Variants in STAP2 observed in about 807,000 individuals in gnomAD.
The protein encoded by STAP2 is signal transducing adaptor family member 2.
Under a neutral mutation model 52.7 loss-of-function variants are expected in STAP2, and 58 were observed. That is an observed-to-expected ratio of 1.10 (90% CI 0.89 to 1.37). The LOEUF (loss-of-function observed/expected upper bound fraction) is 1.37. Among genes scored for constraint, STAP2 ranks in the 40% most tolerant of loss-of-function variants. The pLI is 0.00. For synonymous variants in STAP2, 231 were observed against 210.5 expected (o/e 1.10, Z -0.84); for missense variants, 522 against 519.4 (o/e 1.00, Z -0.05).
intron 5 of STAP2, among the ~76,000 whole-genome samples, chr19:4,329,528 C>G (rs1971853554): frequency 6.6e-6 from 1 of 152,042 alleles, no homozygotes; most frequent in African/African-American, 2.4e-5. Flanking sequence ...AGACCTTACC[C>G]TGGAGGCCCT....
chr19:4,328,830 C>A, intron 5 of STAP2, 21 bp from the exon 6 acceptor site: 2 of 1,603,924 alleles, frequency 1.2e-6, no homozygotes, highest in South Asian at 2.2e-5. Flanking sequence ...CCGCGTCACC[C>A]ACTCGGGACC....
In STAP2 at chr19:4,333,801, T is replaced by A. The variant is rs1479887742; in HGVS notation, c.190A>T (p.Asn64Tyr). Reference sequence around the variant, plus strand: ...GTGAGTTTCTCAAATGCTCCCAAGTTGAGCTTCTCCACGTGCTGGGGGCAT... The same window carrying A: ...GTGAGTTTCTCAAATGCTCCCAAGTAGAGCTTCTCCACGTGCTGGGGGCAT... ...NRDFQHVEKL[N>Y]LGAFEKLTDE... Residue 64 changes from asparagine (N) to tyrosine (Y), a missense_variant, in exon 3 of 13, where the codon AAC becomes TAC. Asn to Tyr is a moderately radical substitution (Grantham distance 143). Coordinates refer to ENST00000594605, the MANE Select transcript of STAP2 (RefSeq NM_001013841.2). 3.7e-6 allele frequency: 6 copies of A among 1,613,718 alleles called. No individual in the cohort carries two copies. Among genetic ancestry groups the A allele is most frequent in the Non-Finnish European group, 5.1e-6 (6 of 1,179,976 alleles).
chr19:4,328,672 C>T lies in STAP2; in HGVS notation c.590+3G>A, dbSNP rs1971837007. 2 of 1,594,276 alleles carry T rather than the reference C, an allele frequency of 1.3e-6. No homozygotes were observed. Among genetic ancestry groups the T allele is most frequent in the Non-Finnish European group, 1.7e-6 (2 of 1,171,148 alleles). ...CCAGGGCTCTCCAGACGCGCATGCGCACCCGTTGTGCATCTGCCGCGTGGT... is the reference window on the plus strand; with the variant it reads ...CCAGGGCTCTCCAGACGCGCATGCGTACCCGTTGTGCATCTGCCGCGTGGT... On this transcript the variant is annotated splice_donor_region_variant and intron_variant, in intron 6 of 12. Coordinates refer to ENST00000594605, the MANE Select transcript of STAP2 (RefSeq NM_001013841.2).
At chr19:4,328,354 G>T in intron 6 of STAP2, 1 of 198,644 alleles carries the variant, frequency 5.0e-6, no homozygotes, top group Non-Finnish European at 1.0e-5. Context: ...GCCCAGCGTA[G>T]CTCTGATTCC....
chr19:4,336,825 A>G (rs1281700855), intron 1 of STAP2, among the ~76,000 whole-genome samples: 1 of 146,822 alleles, frequency 6.8e-6, no homozygotes, highest in Non-Finnish European at 1.5e-5. Flanking sequence ...AGTAGAGACG[A>G]GGTTTCACCA....
intron 9 of STAP2, among the ~76,000 whole-genome samples, chr19:4,326,533 C>T (rs1178643233): frequency 6.6e-6 from 1 of 152,060 alleles, no homozygotes; most frequent in Non-Finnish European, 1.5e-5. Context: ...TTCTCGGTCC[C>T]TGTGGGGCTA....
chr19:4,325,466 T>TAGTGGGGGC lies in STAP2; in HGVS notation c.900_908dup (p.Pro302_Pro304dup), dbSNP rs757798654. The TAGTGGGGGC allele has an allele frequency of 1.5e-5, 25 of 1,613,846 alleles. No homozygotes were observed. The highest frequency in any genetic ancestry group is 2.0e-5 in the Non-Finnish European group (24 of 1,179,898). On this transcript the variant is annotated inframe_insertion, in exon 10 of 13. Transcript: ENST00000594605. Reference sequence around the variant, plus strand: ...TCACGTAGTTCTCTTCCTGGTTCGGTAGTGGGGGCAGTGGGGGCAGCTTGT... The same window carrying TAGTGGGGGC: ...TCACGTAGTTCTCTTCCTGGTTCGGTAGTGGGGGCAGTGGGGGCAGTGGGGGCAGCTTGT...
intron 5 of STAP2, among the ~76,000 whole-genome samples, chr19:4,329,647 C>T (rs959889620): frequency 1.3e-5 from 2 of 152,110 alleles, no homozygotes; most frequent in African/African-American, 2.4e-5. Flanking sequence ...AACTCCTCCC[C>T]GGAGACGAAG....
intron 1 of STAP2, among the ~76,000 whole-genome samples, chr19:4,334,792 A>T (rs1034275429): frequency 2.4e-4 from 3 of 12,714 alleles, no homozygotes; most frequent in African/African-American, 1.0e-3. Context: ...CTGTCCACCC[A>T]TCCATCCATC....
intron 1 of STAP2, among the ~76,000 whole-genome samples, chr19:4,335,388 A>C (rs1053150991): frequency 6.9e-6 from 1 of 145,590 alleles, no homozygotes; most frequent in Non-Finnish European, 1.5e-5. Flanking sequence ...TCCATCCATC[A>C]TCCACCCACC....
rs564172588 is a variant in STAP2, at chr19:4,326,988, C to T, written c.783G>A (p.Lys261=). The T allele has an allele frequency of 3.9e-5, 60 of 1,555,248 alleles. No individual in the cohort carries two copies. The South Asian group carries it at 6.0e-4, about 16-fold the overall frequency. ...EKVLGYVEAD[K]ENGENVWVAP... ...CCACCCACACATTCTCGCCATTCTCCTTATCGGCTTCCACGTAGCCTGGAA... is the reference window on the plus strand; with the variant it reads ...CCACCCACACATTCTCGCCATTCTCTTTATCGGCTTCCACGTAGCCTGGAA... Residue 261 remains lysine, a synonymous_variant, in exon 9 of 13, where the codon AAG becomes AAA. Transcript: ENST00000594605.
At position 4,329,962 on chromosome 19, in the gene STAP2, A is replaced by G. The variant is rs1971861246; in HGVS notation, c.454T>C (p.Ser152Pro). Reference protein sequence around the residue: ...EEARRALETPSCFLKVSRLEA... With the variant: ...EEARRALETPPCFLKVSRLEA... Reference sequence around the variant, plus strand: ...CCTCGGGACAGGCGGGACACTCACGAGGGTGTCTCCAGTGCACGGCGCGCC... The same window carrying G: ...CCTCGGGACAGGCGGGACACTCACGGGGGTGTCTCCAGTGCACGGCGCGCC... The change falls in exon 5 of 13, where the codon TCG (serine) becomes CCG (proline). Residue 152 changes from serine (S) to proline (P), a missense_variant and splice_region_variant. Coordinates refer to ENST00000594605, the MANE Select transcript of STAP2 (RefSeq NM_001013841.2). The G allele has an allele frequency of 6.2e-7, 1 of 1,612,142 alleles. No individual in the cohort carries two copies.
rs1259100768 is a variant in STAP2 at position 4,338,508 on chromosome 19, C to T, written c.102+144G>A. On this transcript the variant is annotated intron_variant, in intron 1 of 12. Coordinates refer to ENST00000594605, the MANE Select transcript of STAP2 (RefSeq NM_001013841.2). ...CGCACAGAGAGGCAGATGGCCAGAACCCACCCCAGTCCCCCAGCACGTGTC... is the reference window on the plus strand; with the variant it reads ...CGCACAGAGAGGCAGATGGCCAGAATCCACCCCAGTCCCCCAGCACGTGTC... The T allele has an allele frequency of 4.1e-6, 3 of 736,610 alleles. No homozygotes were observed. In the African/African-American group the frequency reaches 5.4e-5, roughly 13 times the overall value. 45.6% of individuals were successfully genotyped at this position (736,610 alleles called of 1,614,324 possible). A position where few individuals can be genotyped will look rare whatever the true frequency, so the allele number is the denominator to read the frequency against.
rs1480340201 is a variant in STAP2, at chr19:4,324,083, C to G, written c.*50G>C. The G allele has an allele frequency of 2.6e-6, 4 of 1,534,658 alleles. No individual in the cohort carries two copies. The highest frequency in any genetic ancestry group is 3.5e-6 in the Non-Finnish European group (4 of 1,132,390). On this transcript the variant is annotated 3_prime_UTR_variant, in exon 13 of 13. Coordinates refer to ENST00000594605, the MANE Select transcript of STAP2 (RefSeq NM_001013841.2). The stretch of plus-strand genomic sequence containing the variant: ...TTTAATCCTGGGAAAAAGAATCTGG[C>G]CGCTGGGCCATGCCCTGGGACTAGC...
At chr19:4,325,809 A>G (rs1361623513) in intron 9 of STAP2, among the ~76,000 whole-genome samples, 2 of 152,132 alleles carry the variant, frequency 1.3e-5, no homozygotes, top group African/African-American at 4.8e-5. Flanking sequence ...CGTCTCTACT[A>G]AAAATACAAA....
At chr19:4,325,665 T>C (rs913998515) in intron 9 of STAP2, 120 bp from the exon 10 acceptor site, 44 of 1,242,304 alleles carry the variant, frequency 3.5e-5, no homozygotes, top group Middle Eastern at 2.9e-4. Flanking sequence ...TCTGTGTGTG[T>C]GCCCATGTAT....
chr19:4,336,402 C>T (rs1291906817), intron 1 of STAP2, among the ~76,000 whole-genome samples: 4 of 148,172 alleles, frequency 2.7e-5, no homozygotes, highest in African/African-American at 7.5e-5. Flanking sequence ...CACTGCAACC[C>T]CCCCGCCCCA....
intron 1 of STAP2, among the ~76,000 whole-genome samples, chr19:4,337,174 C>G (rs1194943782): frequency 6.6e-6 from 1 of 151,490 alleles, no homozygotes; most frequent in Non-Finnish European, 1.5e-5. Flanking sequence ...GAGGCTGAGA[C>G]AGGAGGATCA....
intron 1 of STAP2, 97 bp downstream of exon 1, chr19:4,338,555 C>T: frequency 1.4e-6 from 1 of 719,796 alleles, no homozygotes; most frequent in African/African-American, 1.8e-5. Context: ...AGCACCCACC[C>T]CGCCCCCCCT....
Sources: allele counts gnomAD v4.1 joint callset (sites outside exome capture counted in the v4.1 genomes callset), GRCh38; gene constraint gnomAD v4.1.1; transcripts MANE v1.5; gene names NCBI Gene and HGNC (gene_info 2026-07-23, HGNC 2026-07-21).